FARSB: variants seen among roughly 807,000 people sequenced by gnomAD.
FARSB encodes the protein phenylalanyl-tRNA synthetase subunit beta, also known as phenylalanine--tRNA ligase beta subunit.
FARSB carries 40 observed loss-of-function variants against 69.6 expected under a neutral mutation model. That is an observed-to-expected ratio of 0.57 (90% CI 0.45 to 0.75). The LOEUF is 0.75. FARSB is among the 30% of genes least tolerant of loss of function. FARSB has a pLI of 0.00. For missense variants in FARSB, 632 were observed against 722.9 expected (o/e 0.87, Z 1.44); for synonymous variants, 235 against 247.2 (o/e 0.95, Z 0.46).
chr2:222,582,319 C>A (rs1035292380), intron 16 of FARSB, among the ~76,000 whole-genome samples: 1 of 152,066 alleles, frequency 6.6e-6, no homozygotes, highest in East Asian at 1.9e-4. Flanking sequence ...AAGAAAGGTA[C>A]AGAACAGTGT....
rs368004031 is a variant in FARSB, at chr2:222,639,631, C to T, written c.404G>A (p.Arg135Gln). The T allele has an allele frequency of 3.8e-6, 6 of 1,596,352 alleles. No homozygotes were observed. The highest frequency in any genetic ancestry group is 2.3e-5 in the East Asian group (1 of 44,148). ...VLRNIKFTKD[R>Q]YDSFIELQEK... ...CTGAAGTTCAATGAAGCTGTCATAT[C>T]GATCTTTAGTAAACTTTATATTACG... Residue 135 changes from arginine to glutamine, a missense_variant, in exon 5 of 17, where the codon CGA (arginine) becomes CAA (glutamine). Coordinates refer to ENST00000281828, the MANE Select transcript of FARSB (RefSeq NM_005687.5).
At chr2:222,651,407 C>A (rs555798824) in intron 1 of FARSB, among the ~76,000 whole-genome samples, 1 of 152,274 alleles carries the variant, frequency 6.6e-6, no homozygotes, top group East Asian at 1.9e-4. Flanking sequence ...AGATGTGAAA[C>A]AATGCTAAAA....
chr2:222,580,663 C>A (rs77528210), intron 16 of FARSB, among the ~76,000 whole-genome samples: 8,227 of 151,972 alleles, frequency 0.054, 445 homozygotes, highest in African/African-American at 0.14. Context: ...CTTTCTCCTG[C>A]ATAACACAAC....
At chr2:222,649,974 G>T (rs773096452) in intron 1 of FARSB, among the ~76,000 whole-genome samples, 1 of 152,046 alleles carries the variant, frequency 6.6e-6, no homozygotes, top group African/African-American at 2.4e-5. Context: ...GGGTTACAAA[G>T]ATAAATAAAA....
intron 15 of FARSB, among the ~76,000 whole-genome samples, chr2:222,613,565 A>AATAC (rs1229150727): frequency 1.3e-5 from 2 of 152,138 alleles, no homozygotes; most frequent in African/African-American, 4.8e-5. Context: ...TAAATAAATA[A>AATAC]ATACATACTA....
rs1690923986 is a variant in FARSB at position 222,613,851 on chromosome 2, C to T, written c.1422G>A (p.Leu474=). The T allele has an allele frequency of 1.9e-6, 3 of 1,612,098 alleles. No individual in the cohort carries two copies. In the African/African-American group the frequency reaches 4.0e-5, roughly 22 times the overall value. Residue 474 remains leucine, a synonymous_variant, in exon 15 of 17, where the codon CTG becomes CTA. Transcript: ENST00000281828. ...TTATTACAATGTCAGAGATTTCAAA[C>T]AGTTTCAGTGGAAGGGGCATCTTAC... ...ANRKMPLPLK[L]FEISDIVIKD...
At position 222,575,621 on chromosome 2, in the gene FARSB, C is replaced by T. The variant is rs141424587; in HGVS notation, c.1619-3599G>A. ...TCAGCTTTGCTGCTATCACAGTAAA[C>T]GGCTTCCAACATAAAACAGATGTGG... is the stretch of plus-strand genomic sequence containing the variant. On this transcript the variant is annotated intron_variant, in intron 16 of 16. Coordinates refer to ENST00000281828, the MANE Select transcript of FARSB (RefSeq NM_005687.5). Among the ~76,000 whole-genome samples the T allele has an allele frequency of 1.5e-3, 232 of 152,340 alleles. 1 individual carries two copies. Among genetic ancestry groups the T allele is most frequent in the Admixed American group, 0.013 (199 of 15,304 alleles).
intron 6 of FARSB, 55 bp downstream of exon 6, chr2:222,634,336 T>C (rs1327403395): frequency 8.4e-6 from 11 of 1,306,254 alleles, no homozygotes; most frequent in Non-Finnish European, 1.0e-5. Flanking sequence ...GGCTTGACTT[T>C]GATGGAATTT....
intron 8 of FARSB, 147 bp downstream of exon 8, chr2:222,631,457 A>ATC (rs1287664657): frequency 1.4e-5 from 9 of 640,792 alleles, no homozygotes; most frequent in Non-Finnish European, 2.3e-5. Context: ...AGTGTAGAAT[A>ATC]TCTCTATCTT....
At position 222,571,739 on chromosome 2, in the gene FARSB, C is replaced by T; in HGVS notation, c.*132G>A. The T allele has an allele frequency of 1.3e-6, 1 of 755,878 alleles. No individual in the cohort carries two copies. Among genetic ancestry groups the T allele is most frequent in the Non-Finnish European group, 2.1e-6 (1 of 470,868 alleles). 46.8% of individuals were successfully genotyped at this position (755,878 alleles called of 1,614,324 possible). Reference sequence around the variant, plus strand: ...AGGGAAAGGATGGTCTCTACCCACACAGCCAGACAGTGCTTTCTACTTTAT... The same window carrying T: ...AGGGAAAGGATGGTCTCTACCCACATAGCCAGACAGTGCTTTCTACTTTAT... On this transcript the variant is annotated 3_prime_UTR_variant, in exon 17 of 17. Coordinates refer to ENST00000281828, the MANE Select transcript of FARSB (RefSeq NM_005687.5).
chr2:222,643,072 GTCAGC>G (rs1691763992), intron 2 of FARSB, 67 bp from the exon 3 acceptor site: 2 of 976,832 alleles, frequency 2.0e-6, no homozygotes, highest in East Asian at 5.3e-5. Flanking sequence ...AGTAAAAGTT[GTCAGC>G]CCTATAAGGC....
At chr2:222,617,319 T>A (rs955855275) in intron 14 of FARSB, among the ~76,000 whole-genome samples, 2 of 152,212 alleles carry the variant, frequency 1.3e-5, no homozygotes, top group African/African-American at 2.4e-5. Context: ...ATTTAATGCA[T>A]TTCTGATTAT....
At chr2:222,640,359 G>A (rs1026132738) in intron 4 of FARSB, among the ~76,000 whole-genome samples, 2 of 152,056 alleles carry the variant, frequency 1.3e-5, no homozygotes, top group African/African-American at 2.4e-5. Flanking sequence ...GTGTGGTGGC[G>A]TGTGCCTGTA....
At chr2:222,618,765 G>A (rs903161692) in intron 14 of FARSB, among the ~76,000 whole-genome samples, 3 of 152,136 alleles carry the variant, frequency 2.0e-5, no homozygotes, top group African/African-American at 7.2e-5. Context: ...GTCAAGAACT[G>A]ATATAATGGG....
At chr2:222,573,074 T>G (rs1559185641) in intron 16 of FARSB, among the ~76,000 whole-genome samples, 1 of 152,164 alleles carries the variant, frequency 6.6e-6, no homozygotes, top group Non-Finnish European at 1.5e-5. Flanking sequence ...GCTGAGTCTC[T>G]ACTAATGGTT....
intron 16 of FARSB, among the ~76,000 whole-genome samples, chr2:222,598,341 T>C (rs1690475427): frequency 6.6e-6 from 1 of 152,188 alleles, no homozygotes. Context: ...AAGGAACTGA[T>C]TGAAGCAGGA....
chr2:222,644,386 A>AGAG (rs1197525930), intron 2 of FARSB: 36 of 330,224 alleles, frequency 1.1e-4, no homozygotes, highest in Non-Finnish European at 1.2e-5. Flanking sequence ...AAGAGAATGA[A>AGAG]GAGGAGGAGG....
intron 3 of FARSB, among the ~76,000 whole-genome samples, 183 bp downstream of exon 3, chr2:222,642,668 T>C (rs1309838688): frequency 1.3e-5 from 2 of 152,212 alleles, no homozygotes; most frequent in Non-Finnish European, 2.9e-5. Context: ...AAAATTTTCA[T>C]GGAAATTTTC....
intron 15 of FARSB, among the ~76,000 whole-genome samples, chr2:222,601,967 C>T (rs1367607419): frequency 1.3e-5 from 2 of 152,070 alleles, no homozygotes; most frequent in Non-Finnish European, 2.9e-5. Context: ...CAGCTAAAGG[C>T]AATATTTTAA....
Sources: allele counts gnomAD v4.1 joint callset (sites outside exome capture counted in the v4.1 genomes callset), GRCh38; gene constraint gnomAD v4.1.1; transcripts MANE v1.5; gene names NCBI Gene and HGNC (gene_info 2026-07-23, HGNC 2026-07-21).